Variants in DNAJC15 observed in about 807,000 individuals in gnomAD.
DNAJC15 encodes dnaJ homolog subfamily C member 15.
Under a neutral mutation model 22.4 loss-of-function variants are expected in DNAJC15, and 27 were observed. That is an observed-to-expected ratio of 1.20 (90% CI 0.89 to 1.66). The LOEUF (loss-of-function observed/expected upper bound fraction) is 1.66. Among genes scored for constraint, DNAJC15 ranks in the 40% most tolerant of loss-of-function variants. The probability of loss-of-function intolerance (pLI) is 0.00; values close to 1 mark genes in which losing one functional copy is unlikely to be tolerated. For missense variants in DNAJC15, 208 were observed against 187.1 expected, an observed-to-expected ratio of 1.11 and a Z score of -0.65; for synonymous variants, 79 against 63.2, an observed-to-expected ratio of 1.25 and a Z score of -1.19.
At chr13:43,051,755 A>T (rs1202065286) in intron 1 of DNAJC15, among the ~76,000 whole-genome samples, 1 of 152,066 alleles carries the variant, frequency 6.6e-6, no homozygotes, top group South Asian at 2.1e-4. Context: ...ATAAACATGC[A>T]TGTGCAGTAT....
chr13:43,049,660 C>T (rs558481210), intron 1 of DNAJC15, among the ~76,000 whole-genome samples: 147 of 152,280 alleles, frequency 9.7e-4, no homozygotes, highest in Non-Finnish European at 1.6e-3. Context: ...GAGTTACTTA[C>T]TTAGACTTAG....
intron 1 of DNAJC15, among the ~76,000 whole-genome samples, chr13:43,043,423 T>C (rs549003867): frequency 3.3e-5 from 5 of 152,188 alleles, no homozygotes; most frequent in South Asian, 4.1e-4. Flanking sequence ...AAGCTTCTTA[T>C]ATTATGAGAA....
rs189180210 is a variant in DNAJC15 at position 43,037,566 on chromosome 13, A to C, written c.108+13832A>C. Among the ~76,000 whole-genome samples the C allele has an allele frequency of 3.6e-3, 543 of 152,308 alleles. 4 individuals carry two copies. Among genetic ancestry groups the C allele is most frequent in the African/African-American group, 0.012 (518 of 41,556 alleles). On this transcript the variant is annotated intron_variant, in intron 1 of 5. Coordinates refer to ENST00000379221, the MANE Select transcript of DNAJC15 (RefSeq NM_013238.3). ...CTGCCTTCTGATGTTAAAACATGTTAAACCCATCTCACCAGGTGAGATCTT... is the reference window on the plus strand; with the variant it reads ...CTGCCTTCTGATGTTAAAACATGTTCAACCCATCTCACCAGGTGAGATCTT...
intron 1 of DNAJC15, among the ~76,000 whole-genome samples, chr13:43,028,999 A>C (rs2040392847): frequency 6.6e-6 from 1 of 152,252 alleles, no homozygotes; most frequent in East Asian, 1.9e-4. Context: ...TAATTGGCAC[A>C]TGATAGCCAT....
In DNAJC15 at chr13:43,109,343, C is replaced by T. The variant is rs527526350; in HGVS notation, c.*2095C>T. On this transcript the variant is annotated 3_prime_UTR_variant, in exon 6 of 6. Transcript: ENST00000379221. Reference sequence around the variant, plus strand: ...TTTGTAACCTCTTTACTCTGGAGCACTTGCATTTAGCAGGCATCATAAAGT... The same window carrying T: ...TTTGTAACCTCTTTACTCTGGAGCATTTGCATTTAGCAGGCATCATAAAGT... The T allele has an allele frequency of 1.3e-5, 2 of 152,270 alleles. No individual in the cohort carries two copies. The highest frequency in any genetic ancestry group is 4.1e-4 in the South Asian group (2 of 4,822). 9.4% of individuals were successfully genotyped at this position (152,270 alleles called of 1,614,324 possible). A position where few individuals can be genotyped will look rare whatever the true frequency, so the allele number is the denominator to read the frequency against.
chr13:43,101,101 C>CT (rs939048197), intron 5 of DNAJC15, among the ~76,000 whole-genome samples: 1 of 152,220 alleles, frequency 6.6e-6, no homozygotes, highest in Non-Finnish European at 1.5e-5. Flanking sequence ...CAGGATATGT[C>CT]TTTTTCCATC....
At chr13:43,090,985 A>G (rs2040712096) in intron 5 of DNAJC15, among the ~76,000 whole-genome samples, 4 of 152,122 alleles carry the variant, frequency 2.6e-5, no homozygotes. Context: ...TCTTATTTCT[A>G]GGTATTTGTA....
chr13:43,065,967 T>A (rs1423735471), intron 2 of DNAJC15, among the ~76,000 whole-genome samples: 1 of 152,192 alleles, frequency 6.6e-6, no homozygotes, highest in Non-Finnish European at 1.5e-5. Flanking sequence ...CTAGCTCCAA[T>A]AATAGTTTAT....
chr13:43,077,917 T>TA (rs2040641768), intron 3 of DNAJC15, among the ~76,000 whole-genome samples: 1 of 152,228 alleles, frequency 6.6e-6, no homozygotes, highest in African/African-American at 2.4e-5. Context: ...GGATTATTGT[T>TA]ATGTTTTCTG....
intron 1 of DNAJC15, among the ~76,000 whole-genome samples, chr13:43,037,158 C>T (rs1033297187): frequency 5.3e-5 from 8 of 152,196 alleles, no homozygotes; most frequent in South Asian, 2.1e-4. Context: ...CCAGACGGGC[C>T]GTAGCAGCCA....
intron 5 of DNAJC15, among the ~76,000 whole-genome samples, chr13:43,103,069 T>C (rs900809564): frequency 2.6e-5 from 4 of 152,222 alleles, no homozygotes; most frequent in Non-Finnish European, 4.4e-5. Context: ...TGAAGTTGAT[T>C]AGTTTTTTAG....
chr13:43,071,010 T>C (rs892312737), intron 3 of DNAJC15, among the ~76,000 whole-genome samples: 2 of 152,226 alleles, frequency 1.3e-5, no homozygotes, highest in Non-Finnish European at 2.9e-5. Context: ...ATTTATATAT[T>C]TCCATATGTT....
chr13:43,052,695 G>T (rs2040510982), intron 1 of DNAJC15, among the ~76,000 whole-genome samples: 1 of 152,172 alleles, frequency 6.6e-6, no homozygotes, highest in African/African-American at 2.4e-5. Context: ...TGGATTACAG[G>T]CATGAGACAC....
At chr13:43,038,414 GA>G (rs1249433875) in intron 1 of DNAJC15, among the ~76,000 whole-genome samples, 1 of 152,158 alleles carries the variant, frequency 6.6e-6, no homozygotes, top group Admixed American at 6.5e-5. Flanking sequence ...CCATCCAGAG[GA>G]AAAGCTGAAA....
At chr13:43,075,917 T>A (rs1028404917) in intron 3 of DNAJC15, among the ~76,000 whole-genome samples, 1 of 152,220 alleles carries the variant, frequency 6.6e-6, no homozygotes, top group Non-Finnish European at 1.5e-5. Context: ...CGCCTCAGCC[T>A]CGCAAAGTGC....
At chr13:43,029,583 C>T (rs1052123299) in intron 1 of DNAJC15, among the ~76,000 whole-genome samples, 2 of 151,230 alleles carry the variant, frequency 1.3e-5, no homozygotes, top group Non-Finnish European at 2.9e-5. Flanking sequence ...ATCTTTTTTC[C>T]CAGTTTTCAG....
chr13:43,065,557 T>A (rs1466999925), intron 1 of DNAJC15, 129 bp from the exon 2 acceptor site: 2 of 715,834 alleles, frequency 2.8e-6, no homozygotes, highest in Non-Finnish European at 2.4e-6. Flanking sequence ...TTTTTTTAAG[T>A]CCTGATCTTC....
rs1452933232 is a variant in DNAJC15, at chr13:43,110,114, G to A, written c.*2866G>A. ...GGACAGCTCGTCTCTATTCCTTGCA[G>A]CATTAACAGGCTGGAGGCACCACTT... is the stretch of plus-strand genomic sequence containing the variant. On this transcript the variant is annotated 3_prime_UTR_variant, in exon 6 of 6. Coordinates refer to ENST00000379221, the MANE Select transcript of DNAJC15 (RefSeq NM_013238.3). 1.3e-5 allele frequency: 2 copies of A among 152,170 alleles called. No homozygotes were observed. Among genetic ancestry groups the A allele is most frequent in the African/African-American group, 4.8e-5 (2 of 41,440 alleles). The allele number at this position is 152,170 out of a possible 1,614,324, so 9.4% of individuals were successfully genotyped here. A position where few individuals can be genotyped will look rare whatever the true frequency, so the allele number is the denominator to read the frequency against.
chr13:43,087,434 G>A (rs1396539699), intron 5 of DNAJC15, among the ~76,000 whole-genome samples: 1 of 152,216 alleles, frequency 6.6e-6, no homozygotes, highest in African/African-American at 2.4e-5. Context: ...CTTTGAGAAG[G>A]AAGATTGTTT....
Sources: gnomAD v4.1 joint callset for allele counts (sites outside exome capture counted in the v4.1 genomes callset) on GRCh38, gnomAD v4.1.1 for gene constraint, MANE v1.5 for transcripts, NCBI Gene and HGNC (gene_info 2026-07-23, HGNC 2026-07-21) for gene names.